Variants in SYNPO2 observed in about 807,000 individuals in gnomAD.
SYNPO2 encodes the protein synaptopodin-2.
In SYNPO2, 56 loss-of-function variants were observed where a neutral mutation model predicts 85.0. That is an observed-to-expected ratio of 0.66 (90% confidence interval 0.53 to 0.82). The LOEUF is 0.82. Ranked by LOEUF, SYNPO2 falls within the 40% of genes least tolerant of loss-of-function variation. The probability of loss-of-function intolerance (pLI) is 0.00; values close to 1 mark genes in which losing one functional copy is unlikely to be tolerated. For missense variants in SYNPO2, 1,575 were observed against 1,534.2 expected, an observed-to-expected ratio of 1.03 and a Z score of -0.44; for synonymous variants, 602 against 591.1, an observed-to-expected ratio of 1.02 and a Z score of -0.27.
At chr4:119,015,823 C>T (rs1352628229) in intron 1 of SYNPO2, among the ~76,000 whole-genome samples, 2 of 152,198 alleles carry the variant, frequency 1.3e-5, no homozygotes, top group African/African-American at 4.8e-5. Flanking sequence ...GAGTTTTTTA[C>T]ACCTTCAGTG....
chr4:118,863,720 T>C (rs1212696910), intron 1 of SYNPO2, among the ~76,000 whole-genome samples: 2 of 152,006 alleles, frequency 1.3e-5, no homozygotes, highest in African/African-American at 4.8e-5. Flanking sequence ...CAAGCAATTC[T>C]CCTGCCTCAG....
rs1739324873 is a variant in SYNPO2, at chr4:119,059,200, G to T, written c.*1266G>T. 1.3e-5 allele frequency: 2 copies of T among 152,198 alleles called. No individual in the cohort carries two copies. The allele number at this position is 152,198 out of a possible 1,614,324, so 9.4% of individuals were successfully genotyped here. A position where few individuals can be genotyped will look rare whatever the true frequency, so the allele number is the denominator to read the frequency against. The stretch of plus-strand genomic sequence containing the variant: ...AAGGAATTGTTAGGCGGCAGGCTTT[G>T]TGTTACGTGTTACATGGAGTGAGGG... On this transcript the variant is annotated 3_prime_UTR_variant, in exon 5 of 5. Coordinates refer to ENST00000307142, the MANE Select transcript of SYNPO2 (RefSeq NM_133477.3).
At chr4:118,908,387 A>G (rs951820189) in intron 1 of SYNPO2, among the ~76,000 whole-genome samples, 4 of 152,226 alleles carry the variant, frequency 2.6e-5, no homozygotes, top group African/African-American at 9.6e-5. Flanking sequence ...TCTAGGTAAC[A>G]TACTTCCATT....
In SYNPO2 at chr4:119,030,398, A is replaced by G; in HGVS notation, c.1623A>G (p.Glu541=). 6.2e-7 allele frequency: 1 copy of G among 1,614,174 alleles called. No individual in the cohort carries two copies. The highest frequency in any genetic ancestry group is 1.3e-5 in the African/African-American group (1 of 75,036). ...RTTTSYQRKE[E]ESVRTQSSVS... ...CGACTTCTTACCAAAGAAAGGAGGA[A>G]GAGTCGGTAAGAACGCAGAGCTCTG... Residue 541 remains glutamate (E), a synonymous_variant, in exon 4 of 5, where the codon GAA becomes GAG. Coordinates refer to ENST00000307142, the MANE Select transcript of SYNPO2 (RefSeq NM_133477.3).
At chr4:118,992,601 T>C (rs1429647120) in intron 1 of SYNPO2, among the ~76,000 whole-genome samples, 1 of 152,228 alleles carries the variant, frequency 6.6e-6, no homozygotes, top group Non-Finnish European at 1.5e-5. Context: ...ATCTCAGGGA[T>C]GCCTCCAAGG....
intron 1 of SYNPO2, among the ~76,000 whole-genome samples, chr4:118,904,289 C>T (rs1732858233): frequency 6.6e-6 from 1 of 152,108 alleles, no homozygotes; most frequent in South Asian, 2.1e-4. Context: ...ATCTAACTAA[C>T]TTTTATGAAA....
intron 1 of SYNPO2, among the ~76,000 whole-genome samples, chr4:118,929,574 A>G (rs534314584): frequency 3.3e-5 from 5 of 152,254 alleles, no homozygotes; most frequent in South Asian, 2.1e-4. Flanking sequence ...TTATTCTTCA[A>G]TGGAATCCCG....
chr4:118,957,682 T>C (rs879925379), intron 1 of SYNPO2, among the ~76,000 whole-genome samples: 1 of 152,220 alleles, frequency 6.6e-6, no homozygotes, highest in Non-Finnish European at 1.5e-5. Flanking sequence ...TCCATCCTGA[T>C]GCCTTTCACT....
chr4:119,048,667 G>A (rs1223505974), intron 4 of SYNPO2, among the ~76,000 whole-genome samples: 40 of 152,148 alleles, frequency 2.6e-4, no homozygotes, highest in Admixed American at 2.6e-3. Context: ...TACCTGGGGT[G>A]AGCAAGTACA....
intron 1 of SYNPO2, among the ~76,000 whole-genome samples, chr4:118,965,721 T>A (rs1735290038): frequency 6.6e-6 from 1 of 152,154 alleles, no homozygotes; most frequent in South Asian, 2.1e-4. Flanking sequence ...AATAAAACCG[T>A]GTACAAGATG....
intron 1 of SYNPO2, among the ~76,000 whole-genome samples, chr4:118,920,757 A>G (rs1733505102): frequency 6.6e-6 from 1 of 152,218 alleles, no homozygotes; most frequent in Non-Finnish European, 1.5e-5. Flanking sequence ...ATATTTTCAC[A>G]GTACACATAT....
At chr4:119,025,132 A>C (rs111504438) in intron 2 of SYNPO2, among the ~76,000 whole-genome samples, 3 of 152,194 alleles carry the variant, frequency 2.0e-5, no homozygotes, top group Admixed American at 2.0e-4. Flanking sequence ...GCTGCTGATA[A>C]ATGTTAATAT....
chr4:118,978,731 C>A (rs1263731709), intron 1 of SYNPO2, among the ~76,000 whole-genome samples: 1 of 151,808 alleles, frequency 6.6e-6, no homozygotes, highest in Non-Finnish European at 1.5e-5. Flanking sequence ...GATGCCAGGA[C>A]TTTAAGACTA....
intron 1 of SYNPO2, among the ~76,000 whole-genome samples, chr4:118,858,156 A>G (rs1012197181): frequency 6.6e-6 from 1 of 152,326 alleles, no homozygotes; most frequent in Middle Eastern, 3.4e-3. Flanking sequence ...CTGGCCCTAG[A>G]TGGTGACATC....
At chr4:119,021,598 A>G (rs1484508118) in intron 1 of SYNPO2, among the ~76,000 whole-genome samples, 1 of 152,224 alleles carries the variant, frequency 6.6e-6, no homozygotes, top group Non-Finnish European at 1.5e-5. Flanking sequence ...GCACATTAGT[A>G]TCACTTAGGG....
chr4:119,022,375 C>G (rs983164282), intron 1 of SYNPO2, among the ~76,000 whole-genome samples: 2 of 152,126 alleles, frequency 1.3e-5, no homozygotes, highest in African/African-American at 4.8e-5. Flanking sequence ...CTCTGTCCCC[C>G]AGGCTGGAGT....
At chr4:118,966,164 C>G (rs1429260997) in intron 1 of SYNPO2, among the ~76,000 whole-genome samples, 1 of 152,102 alleles carries the variant, frequency 6.6e-6, no homozygotes, top group Non-Finnish European at 1.5e-5. Flanking sequence ...CGGAGGGACT[C>G]ACGGGCAAAA....
At chr4:118,878,348 CTAAAA>C (rs748490026) in intron 1 of SYNPO2, among the ~76,000 whole-genome samples, 41 of 151,998 alleles carry the variant, frequency 2.7e-4, no homozygotes, top group Non-Finnish European at 5.1e-4. Flanking sequence ...ACCCCTGAAC[CTAAAA>C]TAAAAGTTAA....
At chr4:119,038,656 C>A in intron 4 of SYNPO2, 2 of 798,252 alleles carry the variant, frequency 2.5e-6, no homozygotes, top group Non-Finnish European at 3.0e-6. Flanking sequence ...AAGAATAATT[C>A]TAAACAGAAT....
Sources: allele counts gnomAD v4.1 joint callset (sites outside exome capture counted in the v4.1 genomes callset), GRCh38; gene constraint gnomAD v4.1.1; transcripts MANE v1.5; gene names NCBI Gene and HGNC (gene_info 2026-07-23, HGNC 2026-07-21).